LDB2: variants seen among roughly 807,000 people sequenced by gnomAD.
The protein encoded by LDB2 is LIM domain-binding protein 2.
LDB2 carries 12 observed loss-of-function variants against 44.3 expected under a neutral mutation model. That is an observed-to-expected ratio of 0.27 (90% CI 0.17 to 0.44). The LOEUF (loss-of-function observed/expected upper bound fraction) is 0.44, where lower values mean the gene tolerates loss of function less well. LDB2 is among the 20% of genes least tolerant of loss of function. The pLI, the probability that LDB2 is intolerant of heterozygous loss-of-function variation, is 1.00. For synonymous variants in LDB2, 164 were observed against 174.8 expected, an observed-to-expected ratio of 0.94 and a Z score of 0.49; for missense variants, 344 against 473.5, an observed-to-expected ratio of 0.73 and a Z score of 2.54.
intron 1 of LDB2, among the ~76,000 whole-genome samples, chr4:16,858,237 G>A (rs939468051): frequency 2.0e-5 from 3 of 152,164 alleles, no homozygotes; most frequent in African/African-American, 7.2e-5. Context: ...TCACAGCTGT[G>A]CCAATAATAC....
chr4:16,696,592 C>G (rs1752181941), intron 2 of LDB2, among the ~76,000 whole-genome samples: 1 of 152,150 alleles, frequency 6.6e-6, no homozygotes, highest in South Asian at 2.1e-4. Flanking sequence ...ATCATGACAA[C>G]AGAACCCTGT....
intron 2 of LDB2, among the ~76,000 whole-genome samples, chr4:16,736,542 A>G (rs1001207706): frequency 6.6e-6 from 1 of 152,222 alleles, no homozygotes; most frequent in East Asian, 1.9e-4. Flanking sequence ...CTAGAAAACA[A>G]TGGAGAAACA....
chr4:16,707,352 C>T (rs1754832530), intron 2 of LDB2, among the ~76,000 whole-genome samples: 1 of 151,770 alleles, frequency 6.6e-6, no homozygotes, highest in Admixed American at 6.6e-5. Context: ...CTTTAGAGCA[C>T]AAAATTAAAG....
intron 1 of LDB2, among the ~76,000 whole-genome samples, chr4:16,761,299 T>C (rs767733257): frequency 4.9e-4 from 75 of 152,300 alleles, no homozygotes; most frequent in South Asian, 1.2e-3. Flanking sequence ...CTTTGCTCTG[T>C]ACAGCAACCT....
At chr4:16,713,561 T>C (rs1756399201) in intron 2 of LDB2, among the ~76,000 whole-genome samples, 1 of 152,196 alleles carries the variant, frequency 6.6e-6, no homozygotes, top group African/African-American at 2.4e-5. Flanking sequence ...TGCTATTATG[T>C]GCCTACTGTG....
At chr4:16,743,120 A>G (rs377037416) in intron 2 of LDB2, among the ~76,000 whole-genome samples, 2 of 152,036 alleles carry the variant, frequency 1.3e-5, no homozygotes, top group African/African-American at 4.8e-5. Flanking sequence ...TGAAACCCCC[A>G]TCTCTACTAA....
chr4:16,539,153 G>C (rs1007152409), intron 5 of LDB2, among the ~76,000 whole-genome samples: 2 of 152,204 alleles, frequency 1.3e-5, no homozygotes, highest in Non-Finnish European at 2.9e-5. Context: ...GGGGATCAAG[G>C]AAAACCTTTA....
intron 1 of LDB2, among the ~76,000 whole-genome samples, chr4:16,857,211 A>G (rs1789527529): frequency 6.6e-6 from 1 of 152,140 alleles, no homozygotes; most frequent in Admixed American, 6.5e-5. Context: ...TGTTTCTTTG[A>G]CATGTCTCTG....
chr4:16,585,312 A>G (rs2152424532), intron 5 of LDB2, among the ~76,000 whole-genome samples: 1 of 152,150 alleles, frequency 6.6e-6, no homozygotes, highest in East Asian at 1.9e-4. Context: ...GGCCACCACA[A>G]TGGCAGGGGT....
Position 16,873,971 on chromosome 4 carries a change from C to G in LDB2, c.132+24383G>C, listed in dbSNP as rs564764958. ...ATAATGTTTTTGAGGCTCGTCCACGCTGTAGCAATGGATCCAAATTTCATC... is the reference window on the plus strand; with the variant it reads ...ATAATGTTTTTGAGGCTCGTCCACGGTGTAGCAATGGATCCAAATTTCATC... On this transcript the variant is annotated intron_variant, in intron 1 of 7. Coordinates refer to ENST00000304523, the MANE Select transcript of LDB2 (RefSeq NM_001290.5). Among the ~76,000 whole-genome samples the G allele has an allele frequency of 1.1e-4, 16 of 152,278 alleles. No individual in the cohort carries two copies. The East Asian group carries it at 3.1e-3, about 29-fold the overall frequency.
In LDB2 at chr4:16,588,721, G is replaced by C. The variant is rs776080275; in HGVS notation, c.520C>G (p.Leu174Val). 10 of 1,613,504 alleles carry C rather than the reference G, an allele frequency of 6.2e-6. No individual in the cohort carries two copies. The highest frequency in any genetic ancestry group is 8.5e-6 in the Non-Finnish European group (10 of 1,179,748). The change falls in exon 4 of 8, where the codon CTA becomes GTA. Residue 174 changes from leucine to valine, a missense_variant. This residue lies in a region of LDB2 where 226 missense variants were observed against 270.1 expected (regional missense o/e 0.84). Transcript: ENST00000304523. Reference protein sequence around the residue: ...QYRELVPRSILAMHAQDPQVL... With the variant: ...QYRELVPRSIVAMHAQDPQVL... The stretch of plus-strand genomic sequence containing the variant: ...ATTAAATTACTTACATGCATGGCTA[G>C]GATGCTTCTCGGGACTAACTCTCGG...
At chr4:16,561,323 C>T (rs368422939) in intron 5 of LDB2, among the ~76,000 whole-genome samples, 26 of 152,184 alleles carry the variant, frequency 1.7e-4, no homozygotes, top group Admixed American at 4.6e-4. Context: ...AAAACCCCAT[C>T]GTCTCAGCTG....
chr4:16,670,760 A>G (rs143621390), intron 2 of LDB2, among the ~76,000 whole-genome samples: 35 of 152,316 alleles, frequency 2.3e-4, no homozygotes, highest in African/African-American at 7.7e-4. Context: ...TTGCCTGAAA[A>G]AGGTTTTGTG....
At chr4:16,831,811 C>A (rs762455792) in intron 1 of LDB2, among the ~76,000 whole-genome samples, 1 of 152,140 alleles carries the variant, frequency 6.6e-6, no homozygotes, top group Non-Finnish European at 1.5e-5. Context: ...AATGGAGTAT[C>A]AGCAGAAGTA....
intron 1 of LDB2, among the ~76,000 whole-genome samples, chr4:16,846,539 T>C (rs745968614): frequency 3.9e-5 from 6 of 152,218 alleles, no homozygotes; most frequent in Non-Finnish European, 8.8e-5. Context: ...TTTTGAAGGA[T>C]GTTTTGTTAC....
chr4:16,504,083 A>C (rs946413729), intron 7 of LDB2, among the ~76,000 whole-genome samples: 1 of 152,156 alleles, frequency 6.6e-6, no homozygotes, highest in African/African-American at 2.4e-5. Context: ...AGGCCAGAGA[A>C]GGTAGGGCTA....
chr4:16,806,296 C>T (rs1217780366), intron 1 of LDB2, among the ~76,000 whole-genome samples: 1 of 152,188 alleles, frequency 6.6e-6, no homozygotes, highest in African/African-American at 2.4e-5. Context: ...TTGTAATTAC[C>T]TGATTACACC....
chr4:16,782,626 A>G (rs747470724), intron 1 of LDB2, among the ~76,000 whole-genome samples: 3 of 152,236 alleles, frequency 2.0e-5, no homozygotes, highest in Non-Finnish European at 4.4e-5. Context: ...TTGGCATTAC[A>G]GGCGTGAGCC....
At chr4:16,708,399 G>A (rs1457268471) in intron 2 of LDB2, among the ~76,000 whole-genome samples, 3 of 152,040 alleles carry the variant, frequency 2.0e-5, no homozygotes, top group Admixed American at 6.6e-5. Flanking sequence ...TCCAAGACCT[G>A]CTTCTCATCT....
Sources: allele counts gnomAD v4.1 joint callset (sites outside exome capture counted in the v4.1 genomes callset), GRCh38; gene constraint gnomAD v4.1.1; regional missense constraint gnomAD v4.1.1; transcripts MANE v1.5; gene names NCBI Gene and HGNC (gene_info 2026-07-23, HGNC 2026-07-21).